The following BEND7 variants were observed in gnomAD, a reference collection of about 807,000 sequenced individuals.
BEND7 encodes BEN domain containing 7, also known as BEN domain-containing protein 7.
BEND7 carries 28 observed loss-of-function variants against 50.9 expected under a neutral mutation model. The observed-to-expected ratio is 0.55, with a 90% CI of 0.41 to 0.75. The LOEUF (loss-of-function observed/expected upper bound fraction) is 0.75, where lower values mean the gene tolerates loss of function less well. Among genes scored for constraint, BEND7 ranks in the 30% least tolerant of loss-of-function variants. BEND7 has a pLI of 0.00. For missense variants in BEND7, 477 were observed against 491.3 expected (o/e 0.97, Z 0.28); for synonymous variants, 170 against 183.9 (o/e 0.92, Z 0.61).
intron 6 of BEND7, among the ~76,000 whole-genome samples, chr10:13,472,234 A>G (rs866335930): frequency 2.0e-5 from 3 of 149,712 alleles, no homozygotes; most frequent in African/African-American, 7.4e-5. Context: ...CATCATCGCT[A>G]TTAGAGTAGG....
At chr10:13,480,413 AGGGTTTGAT>A (rs2075772993) in intron 6 of BEND7, among the ~76,000 whole-genome samples, 1 of 152,166 alleles carries the variant, frequency 6.6e-6, no homozygotes, top group South Asian at 2.1e-4. Context: ...GGGGACGCAC[AGGGTTTGAT>A]GTCACAGTAA....
In BEND7 at chr10:13,528,522, G is replaced by A; in HGVS notation, c.12C>T (p.Ser4=). Reference sequence around the variant, plus strand: ...GGGATTTCCTGCTTCTTTTCCTCTCGGAGAACTCCATGGTGCGGGGAAGGC... The same window carrying A: ...GGGATTTCCTGCTTCTTTTCCTCTCAGAGAACTCCATGGTGCGGGGAAGGC... MEF[S]ERKRSRKSQS... The change falls in exon 1 of 9, where the codon TCC becomes TCT. Residue 4 remains serine (S), a synonymous_variant. Transcript: ENST00000466271. 3 of 1,037,350 alleles carry A rather than the reference G, an allele frequency of 2.9e-6. No homozygotes were observed. Among genetic ancestry groups the A allele is most frequent in the Non-Finnish European group, 3.5e-6 (3 of 863,146 alleles). 64.3% of individuals were successfully genotyped at this position (1,037,350 alleles called of 1,614,324 possible). A position where few individuals can be genotyped will look rare whatever the true frequency, so the allele number is the denominator to read the frequency against.
chr10:13,439,413 G>A (rs777931734), downstream of BEND7: 1 of 1,614,132 alleles, frequency 6.2e-7, no homozygotes, highest in South Asian at 1.1e-5. Flanking sequence ...CTTTTCTTGT[G>A]ACATTGTCTG....
At chr10:13,519,496 A>AT (rs2078938499) in intron 2 of BEND7, among the ~76,000 whole-genome samples, 1 of 151,964 alleles carries the variant, frequency 6.6e-6, no homozygotes, top group East Asian at 1.9e-4. Flanking sequence ...AAGAAAAAAA[A>AT]AAAGAAAAGA....
intron 6 of BEND7, among the ~76,000 whole-genome samples, chr10:13,475,878 G>T (rs959252635): frequency 2.6e-5 from 4 of 152,114 alleles, no homozygotes; most frequent in African/African-American, 7.2e-5. Flanking sequence ...ATTAAATAGG[G>T]TTACTTAATT....
At chr10:13,470,800 C>T (rs2074743702) in intron 6 of BEND7, among the ~76,000 whole-genome samples, 1 of 152,126 alleles carries the variant, frequency 6.6e-6, no homozygotes, top group Admixed American at 6.5e-5. Flanking sequence ...TGGCTGAAAA[C>T]GTTTGGAGGT....
At chr10:13,454,832 T>C (rs907907156) in intron 6 of BEND7, among the ~76,000 whole-genome samples, 1 of 152,090 alleles carries the variant, frequency 6.6e-6, no homozygotes, top group Non-Finnish European at 1.5e-5. Flanking sequence ...AGGGGCCAAA[T>C]TGAACACACT....
At chr10:13,460,747 A>G (rs1840047486) in intron 6 of BEND7, among the ~76,000 whole-genome samples, 1 of 152,242 alleles carries the variant, frequency 6.6e-6, no homozygotes, top group African/African-American at 2.4e-5. Flanking sequence ...GTTGATTCTT[A>G]TTAAGTGCAA....
At chr10:13,527,719 ATT>A (rs201024072) in intron 1 of BEND7, 5 of 455,424 alleles carry the variant, frequency 1.1e-5, no homozygotes, top group African/African-American at 1.1e-4. Context: ...TTGAGTTATC[ATT>A]TTTTTAAAAA....
At position 13,529,001 on chromosome 10, in the gene BEND7, G is replaced by T; in HGVS notation, c.-468C>A. The T allele has an allele frequency of 6.9e-6, 1 of 145,936 alleles. No individual in the cohort carries two copies. Among genetic ancestry groups the T allele is most frequent in the South Asian group, 1.8e-4 (1 of 5,502 alleles). 9.0% of individuals were successfully genotyped at this position (145,936 alleles called of 1,614,324 possible). On this transcript the variant is annotated 5_prime_UTR_variant, in exon 1 of 9. Coordinates refer to ENST00000466271, the MANE Select transcript of BEND7 (RefSeq NM_001369863.1). ...CCGAAGACGCGGCGGGCGGGCTGCG[G>T]GGAGGGCGGCGGCGGGTGCAGAGCC...
chr10:13,473,084 T>A (rs748552278), intron 6 of BEND7, among the ~76,000 whole-genome samples: 5 of 151,766 alleles, frequency 3.3e-5, no homozygotes, highest in Admixed American at 6.6e-5. Context: ...TAGGGACTGA[T>A]ATCCATCATC....
intron 2 of BEND7, among the ~76,000 whole-genome samples, chr10:13,525,553 TGA>T (rs2079401912): frequency 6.6e-6 from 1 of 152,204 alleles, no homozygotes; most frequent in Non-Finnish European, 1.5e-5. Context: ...AGCTGCTTGA[TGA>T]TAACTAGCAC....
chr10:13,498,050 A>G (rs2077146500), intron 3 of BEND7, among the ~76,000 whole-genome samples: 1 of 149,182 alleles, frequency 6.7e-6, no homozygotes, highest in African/African-American at 2.5e-5. Context: ...AGTCACAGTT[A>G]TATGTAATAT....
At chr10:13,485,571 G>C (rs1424615504) in intron 5 of BEND7, among the ~76,000 whole-genome samples, 1 of 152,124 alleles carries the variant, frequency 6.6e-6, no homozygotes, top group Non-Finnish European at 1.5e-5. Context: ...ACTGATTTGG[G>C]GCTGAAAAGC....
chr10:13,520,556 A>G (rs2079014148), intron 2 of BEND7, among the ~76,000 whole-genome samples: 1 of 152,152 alleles, frequency 6.6e-6, no homozygotes, highest in Non-Finnish European at 1.5e-5. Context: ...GAAGTTACGT[A>G]CTGAGATCAG....
chr10:13,497,471 C>T (rs1246849925), intron 3 of BEND7, among the ~76,000 whole-genome samples: 8 of 152,118 alleles, frequency 5.3e-5, no homozygotes, highest in South Asian at 2.1e-4. Context: ...AGGATATATT[C>T]GAATTGGATG....
At chr10:13,485,977 G>C (rs1429682723) in intron 5 of BEND7, among the ~76,000 whole-genome samples, 1 of 152,160 alleles carries the variant, frequency 6.6e-6, no homozygotes, top group African/African-American at 2.4e-5. Context: ...CAGCTCCTGG[G>C]TTCAAGTGAT....
chr10:13,441,440 T>G lies in BEND7; in HGVS notation c.*303A>C. ...ACGTATTTCCAGTGTGTAGATCCGT[T>G]CATCGCACACATCTTTGGGTTGAAC... is the stretch of plus-strand genomic sequence containing the variant. On this transcript the variant is annotated 3_prime_UTR_variant, in exon 9 of 9. Coordinates refer to ENST00000466271, the MANE Select transcript of BEND7 (RefSeq NM_001369863.1). 1.7e-6 allele frequency: 2 copies of G among 1,153,300 alleles called. No individual in the cohort carries two copies. The highest frequency in any genetic ancestry group is 1.1e-6 in the Non-Finnish European group (1 of 945,794). 71.4% of individuals were successfully genotyped at this position (1,153,300 alleles called of 1,614,324 possible). A position where few individuals can be genotyped will look rare whatever the true frequency, so the allele number is the denominator to read the frequency against.
chr10:13,470,664 G>A (rs772127710), intron 6 of BEND7, among the ~76,000 whole-genome samples: 2 of 152,152 alleles, frequency 1.3e-5, no homozygotes, highest in African/African-American at 2.4e-5. Context: ...TGAGCTTATG[G>A]AAGGCCGGTG....
Sources: gnomAD v4.1 joint callset for allele counts (sites outside exome capture counted in the v4.1 genomes callset) on GRCh38, gnomAD v4.1.1 for gene constraint, MANE v1.5 for transcripts, NCBI Gene and HGNC (gene_info 2026-07-23, HGNC 2026-07-21) for gene names.